Variants in CELF2 observed in about 807,000 individuals in gnomAD.
CELF2 encodes the protein CUG triplet repeat RNA-binding protein 2.
Under a neutral mutation model 62.6 loss-of-function variants are expected in CELF2, and 8 were observed. The observed-to-expected ratio is 0.13, with a 90% CI of 0.07 to 0.23. The LOEUF is 0.23. Among genes scored for constraint, CELF2 ranks in the 10% least tolerant of loss-of-function variants. The pLI is 1.00. For synonymous variants in CELF2, 258 were observed against 250.0 expected (o/e 1.03, Z -0.30); for missense variants, 333 against 671.0 (o/e 0.50, Z 5.56).
intron 3 of CELF2, among the ~76,000 whole-genome samples, chr10:11,230,104 C>T (rs916034623): frequency 2.0e-5 from 3 of 152,094 alleles, no homozygotes; most frequent in East Asian, 1.9e-4. Flanking sequence ...GCAGCAGTCA[C>T]GTCATCTGAG....
At chr10:10,551,317 G>T in the CELF2 span, among the ~76,000 whole-genome samples, 1 of 152,108 alleles carries the variant, frequency 6.6e-6, no homozygotes, top group Non-Finnish European at 1.5e-5. Flanking sequence ...ATGGATCAGT[G>T]CAGCTCAACA....
At chr10:10,882,143 A>G (rs562234522) in intron 1 of CELF2, among the ~76,000 whole-genome samples, 1 of 152,350 alleles carries the variant, frequency 6.6e-6, no homozygotes, top group East Asian at 1.9e-4. Flanking sequence ...AACATTGTTT[A>G]GACTGCTATT....
intron 2 of CELF2, among the ~76,000 whole-genome samples, chr10:10,987,871 C>G (rs2052963519): frequency 6.6e-6 from 1 of 152,114 alleles, no homozygotes; most frequent in Non-Finnish European, 1.5e-5. Context: ...TGCTCAACAT[C>G]ACTGATTATC....
intron 1 of CELF2, among the ~76,000 whole-genome samples, chr10:11,106,314 G>T (rs2053482619): frequency 6.6e-6 from 1 of 151,590 alleles, no homozygotes; most frequent in African/African-American, 2.4e-5. Context: ...TCTGTTCACT[G>T]CAGCCTCCGC....
intron 1 of CELF2, among the ~76,000 whole-genome samples, chr10:10,839,546 A>G (rs944117490): frequency 6.6e-6 from 1 of 152,254 alleles, no homozygotes. Context: ...GTGCTTATGT[A>G]CAGCTTCTTT....
the CELF2 span, among the ~76,000 whole-genome samples, chr10:10,629,758 C>T: frequency 6.9e-6 from 1 of 144,606 alleles, no homozygotes; most frequent in Non-Finnish European, 1.5e-5. Flanking sequence ...TTTCAAAATA[C>T]TAATGGAGGC....
intron 3 of CELF2, among the ~76,000 whole-genome samples, chr10:11,236,525 A>G (rs1207923083): frequency 6.6e-6 from 1 of 152,224 alleles, no homozygotes; most frequent in East Asian, 1.9e-4. Flanking sequence ...ACTAGTAAAT[A>G]CTGCAGATGA....
chr10:11,249,286 C>A, intron 4 of CELF2, 85 bp downstream of exon 4: 1 of 1,107,404 alleles, frequency 9.0e-7, no homozygotes, highest in Non-Finnish European at 1.4e-6. Context: ...GAAGCCGGCC[C>A]AGCTGCTTTT....
chr10:10,937,111 T>C (rs982869908), intron 2 of CELF2, among the ~76,000 whole-genome samples: 2 of 147,998 alleles, frequency 1.4e-5, no homozygotes, highest in Admixed American at 7.0e-5. Context: ...TTCTTTTTTG[T>C]TTTTCTTTTC....
chr10:10,930,147 A>G (rs930200221), intron 2 of CELF2, among the ~76,000 whole-genome samples: 1 of 152,220 alleles, frequency 6.6e-6, no homozygotes, highest in African/African-American at 2.4e-5. Context: ...CAAAGGAATG[A>G]TCTTTATGAG....
the CELF2 span, among the ~76,000 whole-genome samples, chr10:10,696,917 A>G: frequency 4.6e-5 from 7 of 152,128 alleles, no homozygotes; most frequent in Admixed American, 4.6e-4. Context: ...GGTACCTCAG[A>G]TGGAAATGCA....
At chr10:11,193,486 G>A (rs2056579352) in intron 2 of CELF2, among the ~76,000 whole-genome samples, 1 of 152,218 alleles carries the variant, frequency 6.6e-6, no homozygotes, top group South Asian at 2.1e-4. Flanking sequence ...AGAAGGTTCT[G>A]TACAATGAGA....
At chr10:10,563,209 G>T in the CELF2 span, among the ~76,000 whole-genome samples, 1 of 152,100 alleles carries the variant, frequency 6.6e-6, no homozygotes, top group Non-Finnish European at 1.5e-5. Context: ...CTCTACTGAC[G>T]CTGCTGCCAC....
At chr10:10,757,336 G>A in the CELF2 span, among the ~76,000 whole-genome samples, 1 of 152,078 alleles carries the variant, frequency 6.6e-6, no homozygotes, top group East Asian at 1.9e-4. Context: ...GTGTTCACCT[G>A]TAGTCCCAGC....
intron 4 of CELF2, among the ~76,000 whole-genome samples, chr10:11,251,113 T>C (rs1206512555): frequency 6.6e-6 from 1 of 152,010 alleles, no homozygotes; most frequent in African/African-American, 2.4e-5. Flanking sequence ...TACTCTAAAC[T>C]GTATTTAGAG....
the CELF2 span, among the ~76,000 whole-genome samples, chr10:10,528,740 A>G: frequency 2.6e-5 from 4 of 152,368 alleles, no homozygotes; most frequent in South Asian, 8.3e-4. Flanking sequence ...CAAATAAGTG[A>G]AAGGAGAATG....
chr10:10,974,587 G>A (rs2051122888), intron 2 of CELF2, among the ~76,000 whole-genome samples: 1 of 152,172 alleles, frequency 6.6e-6, no homozygotes, highest in South Asian at 2.1e-4. Context: ...TAGAATTTCA[G>A]GTTTTAAACA....
chr10:10,782,931 C>G, the CELF2 span, among the ~76,000 whole-genome samples: 1 of 152,102 alleles, frequency 6.6e-6, no homozygotes, highest in Admixed American at 6.6e-5. Flanking sequence ...TGAATGTGAC[C>G]TCAAAGTGTT....
chr10:10,913,713 G>C (rs1223853460), intron 1 of CELF2, among the ~76,000 whole-genome samples: 1 of 151,424 alleles, frequency 6.6e-6, no homozygotes, highest in Non-Finnish European at 1.5e-5. Context: ...TTTAAGCTAA[G>C]TTCTTGTTTA....
Sources: allele counts gnomAD v4.1 joint callset (sites outside exome capture counted in the v4.1 genomes callset), GRCh38; gene constraint gnomAD v4.1.1; transcripts MANE v1.5; gene names NCBI Gene and HGNC (gene_info 2026-07-23, HGNC 2026-07-21).